Variants in CRB1 observed in about 807,000 individuals in gnomAD.
CRB1 encodes the protein protein crumbs homolog 1.
A neutral mutation model predicts 120.0 loss-of-function variants in CRB1; 83 were observed. The observed-to-expected ratio is 0.69, with a 90% CI of 0.58 to 0.83. The LOEUF (loss-of-function observed/expected upper bound fraction) is 0.83. Ranked by LOEUF, CRB1 falls within the 40% of genes least tolerant of loss-of-function variation. The probability of loss-of-function intolerance (pLI) is 0.00; values close to 1 mark genes in which losing one functional copy is unlikely to be tolerated. For missense variants in CRB1, 1,699 were observed against 1,687.6 expected (o/e 1.01, Z -0.12); for synonymous variants, 625 against 612.5 (o/e 1.02, Z -0.30).
In CRB1 at chr1:197,478,190, T is replaced by G; in HGVS notation, c.*311T>G. Reference sequence around the variant, plus strand: ...GCTATCACTGAAACTCTTTCCTCTTTTCAACCTGGGAACAAATTTTAGTTT... The same window carrying G: ...GCTATCACTGAAACTCTTTCCTCTTGTCAACCTGGGAACAAATTTTAGTTT... On this transcript the variant is annotated 3_prime_UTR_variant, in exon 12 of 12. Coordinates refer to ENST00000367400, the MANE Select transcript of CRB1 (RefSeq NM_201253.3). The G allele has an allele frequency of 2.8e-6, 1 of 361,502 alleles. No homozygotes were observed. Among genetic ancestry groups the G allele is most frequent in the South Asian group, 2.9e-5 (1 of 34,668 alleles). The allele number at this position is 361,502 out of a possible 1,614,324, so 22.4% of individuals were successfully genotyped here. A position where few individuals can be genotyped will look rare whatever the true frequency, so the allele number is the denominator to read the frequency against.
At chr1:197,287,960 T>C (rs1009188) in intron 1 of CRB1, among the ~76,000 whole-genome samples, 33,739 of 151,596 alleles carry the variant, frequency 0.22, 4,196 homozygotes, top group Middle Eastern at 0.29. Context: ...TAGTCATCCC[T>C]AAGAAATGGA....
intron 11 of CRB1, chr1:197,444,856 T>G (rs1056114513): frequency 1.3e-5 from 2 of 152,146 alleles, no homozygotes; most frequent in African/African-American, 4.8e-5. Flanking sequence ...GTACTTGTAC[T>G]TGTTTGCCTT....
At chr1:197,225,681 A>G in the CRB1 span, among the ~76,000 whole-genome samples, 12 of 152,222 alleles carry the variant, frequency 7.9e-5, no homozygotes, top group Non-Finnish European at 1.8e-4. Flanking sequence ...CAATGTGGGC[A>G]TGAAAACAGC....
chr1:197,299,282 A>G lies in CRB1; in HGVS notation c.71-29140A>G, dbSNP rs567732322. 2.6e-5 allele frequency among the ~76,000 whole-genome samples: 4 copies of G among 152,304 alleles called. No homozygotes were observed. In the South Asian group the frequency reaches 8.3e-4, roughly 32 times the overall value. The stretch of plus-strand genomic sequence containing the variant: ...TCTCACTAGTTATCAGGGAAATGCA[A>G]GTTCAGATCACAGATAAATGCCATT... On this transcript the variant is annotated intron_variant, in intron 1 of 11. Transcript: ENST00000367400.
At chr1:197,251,672 T>TA in the CRB1 span, among the ~76,000 whole-genome samples, 6 of 152,074 alleles carry the variant, frequency 3.9e-5, no homozygotes, top group South Asian at 4.1e-4. Flanking sequence ...TATGACACTG[T>TA]ATCTGTCAGA....
chr1:197,354,339 T>C (rs1343222699), intron 4 of CRB1, among the ~76,000 whole-genome samples: 1 of 152,196 alleles, frequency 6.6e-6, no homozygotes, highest in Non-Finnish European at 1.5e-5. Flanking sequence ...CCATGTATAA[T>C]TGTGTCCGAA....
intron 11 of CRB1, among the ~76,000 whole-genome samples, chr1:197,447,261 C>G (rs1371855281): frequency 6.6e-6 from 1 of 152,162 alleles, no homozygotes; most frequent in Non-Finnish European, 1.5e-5. Context: ...AGGTAGCCTT[C>G]GATTCCTGAA....
chr1:197,325,903 T>C (rs1315250024), intron 1 of CRB1, among the ~76,000 whole-genome samples: 1 of 152,186 alleles, frequency 6.6e-6, no homozygotes, highest in African/African-American at 2.4e-5. Context: ...TTCCTTCTGC[T>C]GACAAAGGAT....
the CRB1 span, among the ~76,000 whole-genome samples, chr1:197,207,416 G>C: frequency 6.6e-6 from 1 of 151,964 alleles, no homozygotes; most frequent in East Asian, 1.9e-4. Context: ...CTTGGTAGTG[G>C]TGAATTCTCT....
At chr1:197,442,631 A>C in intron 11 of CRB1, 1 of 1,007,062 alleles carries the variant, frequency 9.9e-7, no homozygotes, top group East Asian at 2.8e-5. Flanking sequence ...AGTGTTCTTA[A>C]TATAACTAGA....
intron 5 of CRB1, among the ~76,000 whole-genome samples, chr1:197,380,770 C>T (rs976473877): frequency 1.3e-5 from 2 of 152,134 alleles, no homozygotes; most frequent in Non-Finnish European, 2.9e-5. Flanking sequence ...GCCTTTTTTG[C>T]CTTTGAATTC....
intron 11 of CRB1, among the ~76,000 whole-genome samples, chr1:197,456,859 G>A (rs1666307612): frequency 6.6e-6 from 1 of 152,130 alleles, no homozygotes; most frequent in East Asian, 1.9e-4. Context: ...TCTCAAGGCA[G>A]TCCTGCAGGT....
At chr1:197,402,456 G>A (rs190066780) in intron 5 of CRB1, among the ~76,000 whole-genome samples, 5 of 152,122 alleles carry the variant, frequency 3.3e-5, no homozygotes, top group East Asian at 3.9e-4. Context: ...TCCAATCACA[G>A]TTAATTATTT....
chr1:197,300,120 G>T (rs751985113), intron 1 of CRB1, among the ~76,000 whole-genome samples: 29 of 151,520 alleles, frequency 1.9e-4, no homozygotes, highest in Non-Finnish European at 1.0e-4. Flanking sequence ...CCTATTCTCA[G>T]GCCTCCATAT....
At chr1:197,453,215 A>AG (rs1396835316) in intron 11 of CRB1, among the ~76,000 whole-genome samples, 1 of 149,960 alleles carries the variant, frequency 6.7e-6, no homozygotes, top group Non-Finnish European at 1.5e-5. Context: ...GCTAGGAGCT[A>AG]GGGGGAAGTG....
At chr1:197,242,170 C>G in the CRB1 span, among the ~76,000 whole-genome samples, 8 of 151,810 alleles carry the variant, frequency 5.3e-5, no homozygotes, top group African/African-American at 7.3e-5. Flanking sequence ...ATTTGAATAC[C>G]CTTTATTTCT....
intron 1 of CRB1, among the ~76,000 whole-genome samples, chr1:197,326,564 G>C (rs1036586609): frequency 2.0e-5 from 3 of 152,110 alleles, no homozygotes; most frequent in Non-Finnish European, 4.4e-5. Context: ...CTGGGAGATG[G>C]AGGTTGCAGT....
chr1:197,328,194 T>C (rs1302987487), intron 1 of CRB1, among the ~76,000 whole-genome samples: 1 of 152,220 alleles, frequency 6.6e-6, no homozygotes. Flanking sequence ...TCCATTTAAG[T>C]CTTGCTCTGA....
rs768279600 is a variant in CRB1 at position 197,477,697 on chromosome 1, A to G, written c.4039A>G (p.Thr1347Ala). Residue 1347 changes from threonine (T) to alanine (A), a missense_variant, in exon 12 of 12, where the codon ACT (threonine) becomes GCT (alanine). Coordinates refer to ENST00000367400, the MANE Select transcript of CRB1 (RefSeq NM_201253.3). ...TGACTTGATCTCCGACATTTTCACC[A>G]CTATTGGCTCAGTGACTGTCGCCTT... ...ADDLISDIFT[T>A]IGSVTVALLL... is the part of the protein sequence containing the mutation. 6 of 1,613,734 alleles carry G rather than the reference A, an allele frequency of 3.7e-6. No homozygotes were observed. Among genetic ancestry groups the G allele is most frequent in the Non-Finnish European group, 5.1e-6 (6 of 1,179,834 alleles).
Sources: allele counts gnomAD v4.1 joint callset (sites outside exome capture counted in the v4.1 genomes callset), GRCh38; gene constraint gnomAD v4.1.1; transcripts MANE v1.5; gene names NCBI Gene and HGNC (gene_info 2026-07-23, HGNC 2026-07-21).